The following STAT4 variants were observed in gnomAD, a reference collection of about 807,000 sequenced individuals.
STAT4 encodes the protein signal transducer and activator of transcription 4.
Under a neutral mutation model 110.5 loss-of-function variants are expected in STAT4, and 42 were observed. The observed-to-expected ratio is 0.38, with a 90% CI of 0.30 to 0.49. STAT4 has a LOEUF of 0.49. STAT4 is among the 20% of genes least tolerant of loss of function. The pLI, the probability that STAT4 is intolerant of heterozygous loss-of-function variation, is 0.95. For synonymous variants in STAT4, 284 were observed against 302.2 expected (o/e 0.94, Z 0.63); for missense variants, 632 against 887.9 (o/e 0.71, Z 3.66).
At chr2:191,056,942 C>T (rs952149356) in intron 13 of STAT4, among the ~76,000 whole-genome samples, 1 of 152,008 alleles carries the variant, frequency 6.6e-6, no homozygotes, top group Non-Finnish European at 1.5e-5. Flanking sequence ...GCCACCATGC[C>T]GGGCTACTAT....
chr2:191,078,996 C>G (rs1042560846), intron 3 of STAT4, among the ~76,000 whole-genome samples: 1 of 152,034 alleles, frequency 6.6e-6, no homozygotes, highest in East Asian at 1.9e-4. Context: ...ATTCCAATAA[C>G]ATTTACTGAA....
intron 3 of STAT4, among the ~76,000 whole-genome samples, chr2:191,121,770 G>A (rs1217548025): frequency 7.0e-5 from 10 of 143,330 alleles, no homozygotes; most frequent in Non-Finnish European, 1.2e-4. Flanking sequence ...AGGGCCTGTT[G>A]TGGGGTGGGG....
In STAT4 at chr2:191,035,084, A is replaced by G. The variant is rs1244393690; in HGVS notation, c.1571-487T>C. ...AAAGAATGGACTAGAAATCTATTAG[A>G]TAGTAGCCATTGGCTGTTTTGATCC... On this transcript the variant is annotated intron_variant, in intron 17 of 23. Coordinates refer to ENST00000392320, the MANE Select transcript of STAT4 (RefSeq NM_003151.4). This position sits in a 1 kb window ranked among gnomAD's most constrained non-coding sequence, Gnocchi z 4.7. Among the ~76,000 whole-genome samples the G allele has an allele frequency of 6.6e-6, 1 of 152,242 alleles. No individual in the cohort carries two copies. The highest frequency in any genetic ancestry group is 1.5e-5 in the Non-Finnish European group (1 of 68,044).
intron 3 of STAT4, among the ~76,000 whole-genome samples, chr2:191,085,563 A>C (rs1697614139): frequency 6.6e-6 from 1 of 152,166 alleles, no homozygotes. Context: ...CCACAGAAAT[A>C]ACCAAATTTC....
intron 3 of STAT4, among the ~76,000 whole-genome samples, chr2:191,100,027 T>C (rs2125331649): frequency 6.6e-6 from 1 of 152,304 alleles, no homozygotes; most frequent in East Asian, 1.9e-4. Context: ...AGAAAGAAAT[T>C]ATAAAGCTAT....
intron 3 of STAT4, among the ~76,000 whole-genome samples, chr2:191,103,277 GT>G: frequency 6.6e-6 from 1 of 152,168 alleles, no homozygotes; most frequent in East Asian, 1.9e-4. Context: ...TTAGAGGAAA[GT>G]GGGGTTGACT....
At chr2:191,079,786 A>T (rs1697412864) in intron 3 of STAT4, among the ~76,000 whole-genome samples, 1 of 152,078 alleles carries the variant, frequency 6.6e-6, no homozygotes, top group Admixed American at 6.6e-5. Context: ...TTTAATTTTA[A>T]TCAGAATACA....
At chr2:191,106,199 C>T (rs138011450) in intron 3 of STAT4, among the ~76,000 whole-genome samples, 41 of 152,262 alleles carry the variant, frequency 2.7e-4, no homozygotes, top group African/African-American at 9.1e-4. Context: ...CATCAGAATA[C>T]AGACGTTACA....
At chr2:191,087,909 G>T (rs184129165) in intron 3 of STAT4, among the ~76,000 whole-genome samples, 1 of 151,904 alleles carries the variant, frequency 6.6e-6, no homozygotes, top group Non-Finnish European at 1.5e-5. Context: ...AAAAAAAAAT[G>T]TACCAAAAAA....
At chr2:191,056,548 T>G (rs1388719969) in intron 13 of STAT4, among the ~76,000 whole-genome samples, 1 of 152,190 alleles carries the variant, frequency 6.6e-6, no homozygotes, top group East Asian at 1.9e-4. Flanking sequence ...TATCCATTAT[T>G]GCATGTGTGT....
In STAT4 at chr2:191,110,699, G is replaced by C. The variant is rs1698400085; in HGVS notation, c.274-34374C>G. 6.6e-6 allele frequency among the ~76,000 whole-genome samples: 1 copy of C among 152,146 alleles called. No homozygotes were observed. The highest frequency in any genetic ancestry group is 1.9e-4 in the East Asian group (1 of 5,198). On this transcript the variant is annotated intron_variant, in intron 3 of 23. Transcript: ENST00000392320. This position sits in a 1 kb window ranked among gnomAD's most constrained non-coding sequence, Gnocchi z 4.5. ...CCAAGGAGAAAATGCATGAATTTCA[G>C]TTGATACAACTGAAGTACCGTATCA...
intron 14 of STAT4, among the ~76,000 whole-genome samples, chr2:191,049,226 G>C (rs1435681270): frequency 2.1e-5 from 3 of 143,918 alleles, no homozygotes; most frequent in Non-Finnish European, 4.5e-5. Context: ...CCAGGCTGGA[G>C]TGCAGTGGCG....
In STAT4 at chr2:191,092,915, G is replaced by A. The variant is rs1394713171; in HGVS notation, c.274-16590C>T. On this transcript the variant is annotated intron_variant, in intron 3 of 23. Coordinates refer to ENST00000392320, the MANE Select transcript of STAT4 (RefSeq NM_003151.4). ...TTATATCCCACACGTGGCTCGGTGG[G>A]TCCCATGCCCATGGAGCCTTGCTCA... Among the ~76,000 whole-genome samples, 4 of 152,240 alleles carry A rather than the reference G, an allele frequency of 2.6e-5. 1 individual carries two copies. The East Asian group carries it at 5.8e-4, about 22-fold the overall frequency.
intron 4 of STAT4, among the ~76,000 whole-genome samples, chr2:191,073,403 T>C (rs1385928996): frequency 6.6e-6 from 1 of 152,150 alleles, no homozygotes; most frequent in African/African-American, 2.4e-5. Context: ...ATACCTTATA[T>C]AGGACAGGCA....
At chr2:191,134,627 G>C (rs1431780872) in intron 3 of STAT4, among the ~76,000 whole-genome samples, 1 of 152,146 alleles carries the variant, frequency 6.6e-6, no homozygotes, top group African/African-American at 2.4e-5. Flanking sequence ...CTACACTACT[G>C]TACACACTCA....
At chr2:191,125,250 A>G (rs1698845220) in intron 3 of STAT4, among the ~76,000 whole-genome samples, 1 of 152,150 alleles carries the variant, frequency 6.6e-6, no homozygotes. Flanking sequence ...ATTAAACGAT[A>G]GAAATCAGGC....
rs1696377464 is a variant in STAT4, at chr2:191,047,247, TG to T, written c.1252-6100del. Among the ~76,000 whole-genome samples, 3 of 152,332 alleles carry T rather than the reference TG, an allele frequency of 2.0e-5. No homozygotes were observed. In the South Asian group the frequency reaches 6.2e-4, roughly 32 times the overall value. On this transcript the variant is annotated intron_variant, in intron 14 of 23. Transcript: ENST00000392320. ...CATCTCTTCCACTTGGCTGTTCATCTGTATTCTTTGTACTATCCTTGATAGT... is the reference window on the plus strand; with the variant it reads ...CATCTCTTCCACTTGGCTGTTCATCTTATTCTTTGTACTATCCTTGATAGT...
In STAT4 at chr2:191,066,458, A is replaced by T; in HGVS notation, c.602T>A (p.Met201Lys). 1 of 1,613,540 alleles carries T rather than the reference A, an allele frequency of 6.2e-7. No individual in the cohort carries two copies. Among genetic ancestry groups the T allele is most frequent in the Non-Finnish European group, 8.5e-7 (1 of 1,179,664 alleles). ...TCTCTTGAAATCGAGGCTGTTAAGC[A>T]TTTCCTGCAGTGTCAAAACTTCCTG... Reference protein sequence around the residue: ...VNQEVLTLQEMLNSLDFKRKE... With the variant: ...VNQEVLTLQEKLNSLDFKRKE... The change falls in exon 7 of 24, where the codon ATG (methionine) becomes AAG (lysine). Residue 201 changes from methionine (M) to lysine (K), a missense_variant. Met to Lys is a moderately conservative substitution (Grantham distance 95). Transcript: ENST00000392320. The surrounding 1 kb of genome is among the most constrained non-coding windows in gnomAD (Gnocchi z 4.3).
chr2:191,139,583 A>G (rs557035770), intron 3 of STAT4, among the ~76,000 whole-genome samples: 6 of 152,344 alleles, frequency 3.9e-5, no homozygotes, highest in Middle Eastern at 6.8e-3. Context: ...ACTGCAAAAT[A>G]CTGCTGAAAG....
Sources: allele counts gnomAD v4.1 joint callset (sites outside exome capture counted in the v4.1 genomes callset), GRCh38; gene constraint gnomAD v4.1.1; non-coding constraint Gnocchi (gnomAD v3.1); transcripts MANE v1.5; gene names NCBI Gene and HGNC (gene_info 2026-07-23, HGNC 2026-07-21).